Variants in CYB5B observed in about 807,000 individuals in gnomAD.
CYB5B encodes the protein cytochrome b5 type B (outer mitochondrial membrane).
Under a neutral mutation model 21.3 loss-of-function variants are expected in CYB5B, and 14 were observed. That is an observed-to-expected ratio of 0.66 (90% confidence interval 0.43 to 1.03). The LOEUF is 1.03. CYB5B is among the 50% of genes least tolerant of loss of function. The pLI is 0.00. For synonymous variants in CYB5B, 69 were observed against 68.4 expected (o/e 1.01, Z -0.04); for missense variants, 166 against 185.1 (o/e 0.90, Z 0.60).
chr16:69,428,094 A>G (rs544352720), intron 1 of CYB5B, among the ~76,000 whole-genome samples: 9 of 151,794 alleles, frequency 5.9e-5, no homozygotes, highest in Admixed American at 2.6e-4. Flanking sequence ...CAAAGTGCTG[A>G]GATTACAGGT....
chr16:69,437,576 A>G (rs1199533238), intron 1 of CYB5B, among the ~76,000 whole-genome samples: 2 of 152,206 alleles, frequency 1.3e-5, no homozygotes, highest in Non-Finnish European at 2.9e-5. Context: ...ATAGATATAT[A>G]AACCTAACTT....
chr16:69,464,715 A>G lies in CYB5B; in HGVS notation c.*2195A>G, dbSNP rs1468407709. The G allele has an allele frequency of 2.0e-5, 3 of 152,690 alleles. No homozygotes were observed. Among genetic ancestry groups the G allele is most frequent in the South Asian group, 2.1e-4 (1 of 4,832 alleles). The allele number at this position is 152,690 out of a possible 1,614,324, so 9.5% of individuals were successfully genotyped here. Reference sequence around the variant, plus strand: ...TTTGTTATTTTTAAGGTAAATGCCAATGCAAAAGGTATGTTTTTCTACTTC... The same window carrying G: ...TTTGTTATTTTTAAGGTAAATGCCAGTGCAAAAGGTATGTTTTTCTACTTC... On this transcript the variant is annotated 3_prime_UTR_variant, in exon 5 of 5. Coordinates refer to ENST00000307892, the MANE Select transcript of CYB5B (RefSeq NM_030579.3).
At chr16:69,455,996 CGAG>C (rs2014980810) in intron 3 of CYB5B, among the ~76,000 whole-genome samples, 1 of 152,134 alleles carries the variant, frequency 6.6e-6, no homozygotes, top group Admixed American at 6.5e-5. Flanking sequence ...GTTTTACAAA[CGAG>C]GAAACTGATT....
At chr16:69,428,894 T>C (rs1363695475) in intron 1 of CYB5B, among the ~76,000 whole-genome samples, 1 of 152,104 alleles carries the variant, frequency 6.6e-6, no homozygotes, top group Non-Finnish European at 1.5e-5. Context: ...TCTGGTATGT[T>C]TGAGGAACAG....
rs1273142454 is a variant in CYB5B, at chr16:69,464,563, C to CTTT, written c.*2044_*2045insTTT. Reference sequence around the variant, plus strand: ...AGGAGCTTGAAAGGGAACATTCAAACTAAAGCCAAGCCTGAAGATAACTTG... The same window carrying CTTT: ...AGGAGCTTGAAAGGGAACATTCAAACTTTTAAAGCCAAGCCTGAAGATAACTTG... On this transcript the variant is annotated 3_prime_UTR_variant, in exon 5 of 5. Coordinates refer to ENST00000307892, the MANE Select transcript of CYB5B (RefSeq NM_030579.3). 6.6e-6 allele frequency: 1 copy of CTTT among 152,248 alleles called. No homozygotes were observed. The highest frequency in any genetic ancestry group is 2.4e-5 in the African/African-American group (1 of 41,460). The allele number at this position is 152,248 out of a possible 1,614,324, so 9.4% of individuals were successfully genotyped here.
chr16:69,434,868 A>AG (rs1295056722), intron 1 of CYB5B, among the ~76,000 whole-genome samples: 1 of 151,630 alleles, frequency 6.6e-6, no homozygotes, highest in African/African-American at 2.4e-5. Flanking sequence ...ATCTCAAAAA[A>AG]AAAAAAAAAA....
At position 69,454,979 on chromosome 16, in the gene CYB5B, C is replaced by T. The variant is rs142465466; in HGVS notation, c.334-4114C>T. Among the ~76,000 whole-genome samples the T allele has an allele frequency of 7.1e-3, 1,081 of 151,990 alleles. 20 individuals are homozygous for T. Among genetic ancestry groups the T allele is most frequent in the Admixed American group, 0.039 (588 of 15,270 alleles). ...CACGATCTTGGTTCACTGCAACCTC[C>T]GCCTCTTGGGTTCAAGTGATTCTCC... is the stretch of plus-strand genomic sequence containing the variant. On this transcript the variant is annotated intron_variant, in intron 3 of 4. Coordinates refer to ENST00000307892, the MANE Select transcript of CYB5B (RefSeq NM_030579.3).
chr16:69,441,153 CTTTT>C (rs533158390), intron 1 of CYB5B, among the ~76,000 whole-genome samples: 1 of 133,330 alleles, frequency 7.5e-6, no homozygotes, highest in African/African-American at 2.8e-5. Context: ...TTACTTCTCT[CTTTT>C]TTTTTTTTTT....
At chr16:69,437,874 A>C (rs1451623561) in intron 1 of CYB5B, among the ~76,000 whole-genome samples, 4 of 152,144 alleles carry the variant, frequency 2.6e-5, no homozygotes, top group African/African-American at 9.7e-5. Context: ...AATATTTGTC[A>C]TTTTGTATTT....
At chr16:69,431,985 G>T (rs1461374456) in intron 1 of CYB5B, among the ~76,000 whole-genome samples, 4 of 152,152 alleles carry the variant, frequency 2.6e-5, no homozygotes, top group African/African-American at 9.7e-5. Flanking sequence ...TTGAGCTGAT[G>T]GTCATGAACC....
At position 69,432,527 on chromosome 16, in the gene CYB5B, G is replaced by A. The variant is rs74027315; in HGVS notation, c.174+7670G>A. Reference sequence around the variant, plus strand: ...ATCTTCCGTGCATATACTTATATGTGCAAACATGTATATACTTATATATAC... The same window carrying A: ...ATCTTCCGTGCATATACTTATATGTACAAACATGTATATACTTATATATAC... On this transcript the variant is annotated intron_variant, in intron 1 of 4. Coordinates refer to ENST00000307892, the MANE Select transcript of CYB5B (RefSeq NM_030579.3). Among the ~76,000 whole-genome samples, 907 of 152,174 alleles carry A rather than the reference G, an allele frequency of 6.0e-3. 6 individuals carry two copies. The highest frequency in any genetic ancestry group is 0.018 in the African/African-American group (758 of 41,506).
Position 69,457,014 on chromosome 16 carries a change from C to T in CYB5B, c.334-2079C>T, listed in dbSNP as rs1313599568. Among the ~76,000 whole-genome samples the T allele has an allele frequency of 3.3e-5, 5 of 152,170 alleles. No individual in the cohort carries two copies. The South Asian group carries it at 8.3e-4, about 25-fold the overall frequency. On this transcript the variant is annotated intron_variant, in intron 3 of 4. Transcript: ENST00000307892. ...AAGGGAGTGTATGCCTCTTTCTCTT[C>T]TCTTTCCTTTAATGGGTTAGACAGG...
At chr16:69,461,222 A>G (rs1364043011) in intron 4 of CYB5B, among the ~76,000 whole-genome samples, 3 of 151,860 alleles carry the variant, frequency 2.0e-5, no homozygotes, top group African/African-American at 7.2e-5. Flanking sequence ...AAAAAGAAAG[A>G]AAGAAAGAAA....
Position 69,452,636 on chromosome 16 carries a change from CTCTAG to C in CYB5B, c.333+4496_333+4500del, listed in dbSNP as rs371041550. Among the ~76,000 whole-genome samples, 14 of 152,192 alleles carry C rather than the reference CTCTAG, an allele frequency of 9.2e-5. No homozygotes were observed. In the East Asian group the frequency reaches 2.7e-3, roughly 29 times the overall value. ...AGTGAGCCAAGATTGTGCCAGTGCA[CTCTAG>C]TCTGGGTGACAGAACGAGACCCTGT... On this transcript the variant is annotated intron_variant, in intron 3 of 4. Coordinates refer to ENST00000307892, the MANE Select transcript of CYB5B (RefSeq NM_030579.3).
chr16:69,433,122 C>G (rs1379314739), intron 1 of CYB5B, among the ~76,000 whole-genome samples: 1 of 152,086 alleles, frequency 6.6e-6, no homozygotes, highest in Non-Finnish European at 1.5e-5. Flanking sequence ...TTAACCGTAC[C>G]CTAGGATCTG....
At chr16:69,439,284 C>A (rs753960447) in intron 1 of CYB5B, among the ~76,000 whole-genome samples, 1 of 152,174 alleles carries the variant, frequency 6.6e-6, no homozygotes, top group African/African-American at 2.4e-5. Flanking sequence ...GATCTTGGCT[C>A]ACTGCAACCT....
At chr16:69,429,087 T>A (rs928976013) in intron 1 of CYB5B, among the ~76,000 whole-genome samples, 44 of 152,282 alleles carry the variant, frequency 2.9e-4, no homozygotes, top group African/African-American at 1.1e-3. Flanking sequence ...TCTGACTACA[T>A]TGTTGTGAAA....
intron 3 of CYB5B, among the ~76,000 whole-genome samples, chr16:69,453,690 C>A (rs1461845294): frequency 6.6e-6 from 1 of 152,136 alleles, no homozygotes; most frequent in African/African-American, 2.4e-5. Context: ...TTCTGAGTAG[C>A]TGGGATTACA....
At position 69,465,658 on chromosome 16, in the gene CYB5B, A is replaced by T. The variant is rs1336320203; in HGVS notation, c.*3138A>T. Reference sequence around the variant, plus strand: ...TGCTTTACAGGCCTGGAGTATCATTACTTATGGTATCTCCTGCTTTAAAAT... The same window carrying T: ...TGCTTTACAGGCCTGGAGTATCATTTCTTATGGTATCTCCTGCTTTAAAAT... On this transcript the variant is annotated 3_prime_UTR_variant, in exon 5 of 5. Coordinates refer to ENST00000307892, the MANE Select transcript of CYB5B (RefSeq NM_030579.3). The T allele has an allele frequency of 6.6e-6, 1 of 152,218 alleles. No individual in the cohort carries two copies. The highest frequency in any genetic ancestry group is 1.5e-5 in the Non-Finnish European group (1 of 68,038). The allele number at this position is 152,218 out of a possible 1,614,324, so 9.4% of individuals were successfully genotyped here.
Sources: allele counts gnomAD v4.1 joint callset (sites outside exome capture counted in the v4.1 genomes callset), GRCh38; gene constraint gnomAD v4.1.1; transcripts MANE v1.5; gene names NCBI Gene and HGNC (gene_info 2026-07-23, HGNC 2026-07-21).